Variants in ASPH observed in about 807,000 individuals in gnomAD.
ASPH encodes aspartate beta-hydroxylase, also known as aspartyl/asparaginyl beta-hydroxylase.
ASPH carries 100 observed loss-of-function variants against 118.4 expected under a neutral mutation model. That is an observed-to-expected ratio of 0.84 (90% CI 0.72 to 1.00). The LOEUF is 1.00. ASPH is among the 50% of genes least tolerant of loss of function. The pLI is 0.00. For missense variants in ASPH, 920 were observed against 919.5 expected (o/e 1.00, Z -0.01); for synonymous variants, 315 against 325.6 (o/e 0.97, Z 0.35).
intron 16 of ASPH, among the ~76,000 whole-genome samples, chr8:61,574,251 G>T (rs778306132): frequency 2.0e-5 from 3 of 152,316 alleles, no homozygotes; most frequent in Middle Eastern, 6.8e-3. Flanking sequence ...TTGTTGGTGG[G>T]AGCATAAATT....
chr8:61,655,301 T>C (rs750479824), intron 3 of ASPH, among the ~76,000 whole-genome samples: 4 of 152,150 alleles, frequency 2.6e-5, no homozygotes, highest in Non-Finnish European at 5.9e-5. Context: ...TTAGTACTTC[T>C]CTACTCCTAT....
intron 1 of ASPH, among the ~76,000 whole-genome samples, chr8:61,704,525 TATC>T (rs1836097427): frequency 2.0e-5 from 3 of 151,592 alleles, no homozygotes. Context: ...AAAAAATAAA[TATC>T]AGCATTAAAA....
chr8:61,683,974 T>C, intron 2 of ASPH, 65 bp downstream of exon 2: 8 of 1,546,864 alleles, frequency 5.2e-6, no homozygotes, highest in Non-Finnish European at 7.1e-6. Context: ...TAACAAATAT[T>C]CAAGACTCCT....
intron 3 of ASPH, chr8:61,668,088 T>C: frequency 1.5e-6 from 1 of 659,570 alleles, no homozygotes; most frequent in African/African-American, 1.9e-5. Flanking sequence ...TTGATAAAAC[T>C]ACTTATAACC....
rs921818554 is a variant in ASPH at position 61,637,822 on chromosome 8, C to T, written c.889+125G>A. On this transcript the variant is annotated intron_variant, in intron 12 of 24. Transcript: ENST00000379454. ...TGAAAAGAGGACTCTGTGTTTTCTT[C>T]CCTCTTGTACTCCTAGCTCCTATGC... The T allele has an allele frequency of 5.3e-5, 45 of 844,702 alleles. No homozygotes were observed. The South Asian group carries it at 7.8e-4, about 15-fold the overall frequency. 52.3% of individuals were successfully genotyped at this position (844,702 alleles called of 1,614,324 possible).
intron 1 of ASPH, among the ~76,000 whole-genome samples, chr8:61,707,855 CAT>C (rs966046752): frequency 1.6e-4 from 25 of 152,168 alleles, no homozygotes; most frequent in African/African-American, 4.8e-4. Flanking sequence ...AGTATATATA[CAT>C]ATATGTGTGT....
At chr8:61,508,420 C>T (rs1033696691) in intron 24 of ASPH, among the ~76,000 whole-genome samples, 2 of 152,070 alleles carry the variant, frequency 1.3e-5, no homozygotes, top group African/African-American at 2.4e-5. Context: ...CATAATCTGT[C>T]AACTTCTCAA....
At chr8:61,663,832 T>C (rs563322629) in intron 3 of ASPH, 159 of 981,432 alleles carry the variant, frequency 1.6e-4, no homozygotes, top group African/African-American at 4.5e-4. Flanking sequence ...TGTCGTAAAG[T>C]ATTTGACTTT....
chr8:61,552,955 C>T lies in ASPH; in HGVS notation c.1626+76G>A. 5.5e-6 allele frequency: 7 copies of T among 1,265,944 alleles called. No individual in the cohort carries two copies. In the Admixed American group the frequency reaches 6.0e-5, roughly 11 times the overall value. The allele number at this position is 1,265,944 out of a possible 1,614,324, so 78.4% of individuals were successfully genotyped here. On this transcript the variant is annotated intron_variant, in intron 20 of 24. Transcript: ENST00000379454. The stretch of plus-strand genomic sequence containing the variant: ...TCACACTCAAAATATTTTTTGAATT[C>T]TAACTTTCCTAGAAATAATTATTCT...
intron 24 of ASPH, among the ~76,000 whole-genome samples, chr8:61,511,560 C>T (rs1808826475): frequency 6.6e-6 from 1 of 152,166 alleles, no homozygotes; most frequent in South Asian, 2.1e-4. Flanking sequence ...ACATGTTTAT[C>T]CCCTGACTCA....
chr8:61,612,279 A>T (rs1847639278), intron 14 of ASPH, among the ~76,000 whole-genome samples: 3 of 152,150 alleles, frequency 2.0e-5, no homozygotes, highest in South Asian at 2.1e-4. Flanking sequence ...CTCAACACAG[A>T]TTTGAAATGG....
At chr8:61,680,945 A>G in intron 3 of ASPH, 23 bp downstream of exon 3, 1 of 1,568,460 alleles carries the variant, frequency 6.4e-7, no homozygotes, top group Non-Finnish European at 8.7e-7. Flanking sequence ...ACCACTAACA[A>G]AAAACATAAA....
intron 3 of ASPH, among the ~76,000 whole-genome samples, chr8:61,667,513 C>T (rs763536962): frequency 3.5e-4 from 54 of 152,146 alleles, no homozygotes; most frequent in Non-Finnish European, 6.5e-4. Context: ...ATTACAGGTG[C>T]CTGCCACCAA....
At chr8:61,696,424 C>G (rs1053090130) in intron 1 of ASPH, among the ~76,000 whole-genome samples, 3 of 152,320 alleles carry the variant, frequency 2.0e-5, no homozygotes, top group African/African-American at 7.2e-5. Context: ...CCCTAGCCCA[C>G]ACCTCTGTGC....
chr8:61,697,429 T>C (rs1416590799), intron 1 of ASPH, among the ~76,000 whole-genome samples: 2 of 152,186 alleles, frequency 1.3e-5, no homozygotes, highest in Non-Finnish European at 2.9e-5. Context: ...CTGGCTGTCC[T>C]CTAATTCAAT....
At chr8:61,505,195 C>T (rs1294140600) in intron 24 of ASPH, among the ~76,000 whole-genome samples, 1 of 152,112 alleles carries the variant, frequency 6.6e-6, no homozygotes, top group Non-Finnish European at 1.5e-5. Flanking sequence ...TTGCCGCCAC[C>T]AGGTAAGAAG....
At chr8:61,633,651 AAG>A (rs1399708137) in intron 13 of ASPH, 30 bp downstream of exon 13, 1 of 1,564,940 alleles carries the variant, frequency 6.4e-7, no homozygotes, top group Admixed American at 1.9e-5. Context: ...AGGATAACAA[AAG>A]AGGAAAATAC....
chr8:61,508,771 T>C (rs770168712), intron 24 of ASPH, among the ~76,000 whole-genome samples: 22 of 152,240 alleles, frequency 1.4e-4, no homozygotes, highest in Non-Finnish European at 3.1e-4. Context: ...ATTCTTAGTG[T>C]CTGTAGATGA....
intron 1 of ASPH, among the ~76,000 whole-genome samples, chr8:61,705,271 G>T (rs1836306382): frequency 6.6e-6 from 1 of 152,034 alleles, no homozygotes; most frequent in Non-Finnish European, 1.5e-5. Flanking sequence ...GGAAGGTGCA[G>T]ATCAAAAAAG....
Sources: gnomAD v4.1 joint callset for allele counts (sites outside exome capture counted in the v4.1 genomes callset) on GRCh38, gnomAD v4.1.1 for gene constraint, MANE v1.5 for transcripts, NCBI Gene and HGNC (gene_info 2026-07-23, HGNC 2026-07-21) for gene names.